Variants in AIG1 observed in about 807,000 individuals in gnomAD.
AIG1 encodes the protein androgen-induced gene 1 protein.
In AIG1, 23 loss-of-function variants were observed where a neutral mutation model predicts 31.4. The observed-to-expected ratio is 0.73, with a 90% CI of 0.53 to 1.04. AIG1 has a LOEUF of 1.04. Ranked by LOEUF, AIG1 falls within the 50% of genes least tolerant of loss-of-function variation. AIG1 has a pLI of 0.00. For synonymous variants in AIG1, 100 were observed against 110.5 expected, an observed-to-expected ratio of 0.90 and a Z score of 0.60; for missense variants, 274 against 295.0, an observed-to-expected ratio of 0.93 and a Z score of 0.52.
At chr6:143,184,780 T>C (rs1258544847) in intron 3 of AIG1, among the ~76,000 whole-genome samples, 1 of 152,226 alleles carries the variant, frequency 6.6e-6, no homozygotes. Flanking sequence ...ATCATGGAGA[T>C]AGCAAGAATG....
At chr6:143,117,874 C>A (rs572541035) in intron 1 of AIG1, among the ~76,000 whole-genome samples, 3 of 152,196 alleles carry the variant, frequency 2.0e-5, no homozygotes, top group African/African-American at 7.2e-5. Context: ...TGGCCGCCTC[C>A]AAAAACATTG....
intron 4 of AIG1, among the ~76,000 whole-genome samples, chr6:143,305,320 G>A (rs9496574): frequency 6.6e-6 from 1 of 151,978 alleles, no homozygotes; most frequent in Non-Finnish European, 1.5e-5. Flanking sequence ...TGATGTTAGG[G>A]TGTCAGTTTT....
intron 3 of AIG1, chr6:143,187,385 C>T (rs1300178485): frequency 5.2e-6 from 8 of 1,534,034 alleles, no homozygotes; most frequent in Non-Finnish European, 7.0e-6. Flanking sequence ...GTTTAATTTG[C>T]AGCTATAGCA....
chr6:143,094,761 AC>A (rs1191110847), intron 1 of AIG1, among the ~76,000 whole-genome samples: 1 of 151,668 alleles, frequency 6.6e-6, no homozygotes, highest in African/African-American at 2.4e-5. Context: ...GAAAAAAAAA[AC>A]AACTTTATGC....
chr6:143,125,263 C>G (rs754126824), intron 1 of AIG1, among the ~76,000 whole-genome samples: 1 of 152,060 alleles, frequency 6.6e-6, no homozygotes, highest in Non-Finnish European at 1.5e-5. Context: ...TATTATTGTG[C>G]TTAAATCTAA....
Position 143,190,470 on chromosome 6 carries a change from T to C in AIG1, c.399+25287T>C. ...GAGAAGTAGGGAGCTTATCATTATTTAGTCTGATCAGACAATATCTTCACT... is the reference window on the plus strand; with the variant it reads ...GAGAAGTAGGGAGCTTATCATTATTCAGTCTGATCAGACAATATCTTCACT... On this transcript the variant is annotated intron_variant, in intron 3 of 5. Transcript: ENST00000357847. 3.0e-6 allele frequency: 3 copies of C among 985,446 alleles called. No individual in the cohort carries two copies. The South Asian group carries it at 1.4e-4, about 46-fold the overall frequency. 61.0% of individuals were successfully genotyped at this position (985,446 alleles called of 1,614,324 possible).
rs544906478 is a variant in AIG1 at position 143,130,498 on chromosome 6, C to T, written c.142-6337C>T. ...TTGGGAGGCTGAGGCGGGTAGATCACGAGGTCAGGAGTTCGAAACCTGCCA... is the reference window on the plus strand; with the variant it reads ...TTGGGAGGCTGAGGCGGGTAGATCATGAGGTCAGGAGTTCGAAACCTGCCA... On this transcript the variant is annotated intron_variant, in intron 1 of 5. Transcript: ENST00000357847. Among the ~76,000 whole-genome samples, 827 of 151,812 alleles carry T rather than the reference C, an allele frequency of 5.4e-3. 12 individuals are homozygous for T. The highest frequency in any genetic ancestry group is 0.017 in the African/African-American group (689 of 41,438).
intron 3 of AIG1, among the ~76,000 whole-genome samples, chr6:143,261,035 A>C (rs953971332): frequency 1.3e-5 from 2 of 152,218 alleles, no homozygotes; most frequent in African/African-American, 4.8e-5. Context: ...AGAGTTTCAA[A>C]CCCACAAGCA....
intron 3 of AIG1, among the ~76,000 whole-genome samples, chr6:143,202,562 T>TG (rs2128607871): frequency 6.6e-6 from 1 of 152,306 alleles, no homozygotes; most frequent in African/African-American, 2.4e-5. Context: ...CAGTAGAGTT[T>TG]GGGGAGAATT....
At chr6:143,108,821 G>C (rs1382205551) in intron 1 of AIG1, among the ~76,000 whole-genome samples, 1 of 152,112 alleles carries the variant, frequency 6.6e-6, no homozygotes, top group African/African-American at 2.4e-5. Flanking sequence ...ACAGTGTTCT[G>C]TTTATTTGTA....
At position 143,243,098 on chromosome 6, in the gene AIG1, T is replaced by A. The variant is rs9403469; in HGVS notation, c.400-41012T>A. Among the ~76,000 whole-genome samples the A allele has an allele frequency of 9.4e-3, 1,438 of 152,320 alleles. 44 individuals are homozygous for A. Among genetic ancestry groups the A allele is most frequent in the East Asian group, 0.066 (340 of 5,184 alleles). On this transcript the variant is annotated intron_variant, in intron 3 of 5. Coordinates refer to ENST00000357847, the MANE Select transcript of AIG1 (RefSeq NM_016108.4). Reference sequence around the variant, plus strand: ...CCTGAGATCAGGCTAGACGGTGTTTTTCATACTCCACAAGGCTTATATAAA... The same window carrying A: ...CCTGAGATCAGGCTAGACGGTGTTTATCATACTCCACAAGGCTTATATAAA...
At chr6:143,199,259 A>G (rs1790504183) in intron 3 of AIG1, among the ~76,000 whole-genome samples, 1 of 152,230 alleles carries the variant, frequency 6.6e-6, no homozygotes, top group East Asian at 1.9e-4. Context: ...TTGACATGTG[A>G]TTAAATTACA....
At chr6:143,278,977 G>T (rs1462091728) in intron 3 of AIG1, among the ~76,000 whole-genome samples, 1 of 152,008 alleles carries the variant, frequency 6.6e-6, no homozygotes, top group Non-Finnish European at 1.5e-5. Flanking sequence ...AGAAAAATGT[G>T]AGTGAATTGG....
chr6:143,148,334 C>G (rs1018128817), intron 2 of AIG1, among the ~76,000 whole-genome samples: 4 of 110,856 alleles, frequency 3.6e-5, no homozygotes, highest in Non-Finnish European at 5.3e-5. Flanking sequence ...GATCCCATCT[C>G]TACAAAAAAA....
chr6:143,122,363 A>T (rs992309402), intron 1 of AIG1, among the ~76,000 whole-genome samples: 1 of 152,150 alleles, frequency 6.6e-6, no homozygotes, highest in Non-Finnish European at 1.5e-5. Flanking sequence ...GGTTCTATTT[A>T]TTAGAATTTA....
intron 3 of AIG1, among the ~76,000 whole-genome samples, chr6:143,265,642 T>C (rs1796102188): frequency 6.6e-6 from 1 of 152,194 alleles, no homozygotes; most frequent in Admixed American, 6.5e-5. Context: ...TTTTCCTCTT[T>C]AACATGGATG....
Position 143,129,162 on chromosome 6 carries a change from G to A in AIG1, c.142-7673G>A, listed in dbSNP as rs370323715. On this transcript the variant is annotated intron_variant, in intron 1 of 5. Transcript: ENST00000357847. ...AAAAATTAGGCGGGTGTGGGGGCAG[G>A]CACCTGTAGTCCCAGCTATTTGGGA... 2.0e-5 allele frequency among the ~76,000 whole-genome samples: 3 copies of A among 151,858 alleles called. No homozygotes were observed. The South Asian group carries it at 6.3e-4, about 32-fold the overall frequency.
At chr6:143,123,787 A>G (rs1782432077) in intron 1 of AIG1, among the ~76,000 whole-genome samples, 1 of 152,234 alleles carries the variant, frequency 6.6e-6, no homozygotes, top group Admixed American at 6.5e-5. Context: ...TTCAATATAC[A>G]GTTTAAAGTT....
intron 3 of AIG1, among the ~76,000 whole-genome samples, chr6:143,167,148 GA>G (rs1482491068): frequency 6.6e-6 from 1 of 152,188 alleles, no homozygotes; most frequent in African/African-American, 2.4e-5. Flanking sequence ...TGATCTCCAA[GA>G]GCTGAGTTGT....
Sources: allele counts gnomAD v4.1 joint callset (sites outside exome capture counted in the v4.1 genomes callset), GRCh38; gene constraint gnomAD v4.1.1; transcripts MANE v1.5; gene names NCBI Gene and HGNC (gene_info 2026-07-23, HGNC 2026-07-21).